The following DGCR2 variants were observed in gnomAD, a reference collection of about 807,000 sequenced individuals.
DGCR2 encodes the protein DiGeorge syndrome critical region gene 2.
A neutral mutation model predicts 51.6 loss-of-function variants in DGCR2; 24 were observed. The observed-to-expected ratio is 0.47, with a 90% CI of 0.34 to 0.65. The LOEUF is 0.65. Ranked by LOEUF, DGCR2 falls within the 30% of genes least tolerant of loss-of-function variation. The probability of loss-of-function intolerance (pLI) is 0.01; values close to 1 mark genes in which losing one functional copy is unlikely to be tolerated. For synonymous variants in DGCR2, 340 were observed against 315.4 expected, an observed-to-expected ratio of 1.08 and a Z score of -0.82; for missense variants, 765 against 772.1, an observed-to-expected ratio of 0.99 and a Z score of 0.11.
chr22:19,049,855 C>G (rs1294059492), intron 6 of DGCR2, among the ~76,000 whole-genome samples: 4 of 147,886 alleles, frequency 2.7e-5, no homozygotes, highest in African/African-American at 5.0e-5. Flanking sequence ...AGATTGGGAT[C>G]AAATCTAGGT....
chr22:19,116,699 C>T (rs2083376753), intron 1 of DGCR2, among the ~76,000 whole-genome samples: 1 of 152,186 alleles, frequency 6.6e-6, no homozygotes, highest in African/African-American at 2.4e-5. Context: ...AATGTTGTCA[C>T]TGATGCATTC....
intron 1 of DGCR2, among the ~76,000 whole-genome samples, chr22:19,103,168 A>G (rs1442506505): frequency 6.6e-6 from 1 of 152,134 alleles, no homozygotes; most frequent in Non-Finnish European, 1.5e-5. Context: ...GTATGATTCC[A>G]TTAGTATGAA....
intron 1 of DGCR2, among the ~76,000 whole-genome samples, chr22:19,097,107 C>T (rs924014648): frequency 3.3e-5 from 5 of 152,068 alleles, no homozygotes; most frequent in African/African-American, 9.7e-5. Context: ...CAAAAGCAAA[C>T]GTCAGCCAAG....
At position 19,038,704 on chromosome 22, in the gene DGCR2, A is replaced by G; in HGVS notation, c.*161T>C. On this transcript the variant is annotated 3_prime_UTR_variant, in exon 10 of 10. Transcript: ENST00000263196. ...TGCAGGCCATCACTTCTTTTGGCAG[A>G]AGGCGGGCTGTGGTCTCTATGTACA... The G allele has an allele frequency of 1.1e-6, 1 of 928,778 alleles. No individual in the cohort carries two copies. Among genetic ancestry groups the G allele is most frequent in the Non-Finnish European group, 1.6e-6 (1 of 622,302 alleles). The allele number at this position is 928,778 out of a possible 1,614,324, so 57.5% of individuals were successfully genotyped here. A position where few individuals can be genotyped will look rare whatever the true frequency, so the allele number is the denominator to read the frequency against.
At position 19,038,798 on chromosome 22, in the gene DGCR2, C is replaced by A; in HGVS notation, c.*67G>T. The stretch of plus-strand genomic sequence containing the variant: ...GCTGGGACAGGGGCCTTTCAAGTCT[C>A]CCCAGGGACCGGTGTTTTCTACAAC... On this transcript the variant is annotated 3_prime_UTR_variant, in exon 10 of 10. Coordinates refer to ENST00000263196, the MANE Select transcript of DGCR2 (RefSeq NM_005137.3). 1 of 1,570,546 alleles carries A rather than the reference C, an allele frequency of 6.4e-7. No individual in the cohort carries two copies. The highest frequency in any genetic ancestry group is 8.7e-7 in the Non-Finnish European group (1 of 1,154,714).
At chr22:19,044,127 C>T (rs1028544400) in intron 7 of DGCR2, among the ~76,000 whole-genome samples, 1 of 152,192 alleles carries the variant, frequency 6.6e-6, no homozygotes. Flanking sequence ...CCCAAGGACA[C>T]GGTCAAGGTC....
At chr22:19,051,026 T>C (rs1330978546) in intron 6 of DGCR2, among the ~76,000 whole-genome samples, 1 of 151,672 alleles carries the variant, frequency 6.6e-6, no homozygotes, top group Non-Finnish European at 1.5e-5. Flanking sequence ...CTGTCTCTAC[T>C]AAAAATAGAA....
Position 19,041,144 on chromosome 22 carries a change from T to C in DGCR2, c.1310A>G (p.Lys437Arg). The change falls in exon 9 of 10, where the codon AAG (lysine) becomes AGG (arginine). Residue 437 changes from lysine (K) to arginine (R), a missense_variant. Coordinates refer to ENST00000263196, the MANE Select transcript of DGCR2 (RefSeq NM_005137.3). ...GTCGGGCTGGCCGATGTCCGGGTAC[T>C]TGTATGCCGTGTAGGGAGGTGGAGG... The part of the protein sequence containing the change: ...HDPPPPYTAY[K>R]YPDIGQPDDP... 6.2e-7 allele frequency: 1 copy of C among 1,613,982 alleles called. No homozygotes were observed. The highest frequency in any genetic ancestry group is 8.5e-7 in the Non-Finnish European group (1 of 1,179,952).
At chr22:19,100,744 G>A (rs997632796) in intron 1 of DGCR2, among the ~76,000 whole-genome samples, 2 of 151,078 alleles carry the variant, frequency 1.3e-5, no homozygotes, top group African/African-American at 4.9e-5. Flanking sequence ...TAAAATTATT[G>A]AAGACCCCAA....
intron 1 of DGCR2, among the ~76,000 whole-genome samples, chr22:19,102,140 A>G (rs1456224460): frequency 2.0e-5 from 3 of 152,238 alleles, no homozygotes; most frequent in Non-Finnish European, 4.4e-5. Flanking sequence ...AACCTGGACA[A>G]CATTATGCTA....
At chr22:19,044,239 C>T (rs561610084) in intron 7 of DGCR2, among the ~76,000 whole-genome samples, 1 of 152,250 alleles carries the variant, frequency 6.6e-6, no homozygotes, top group African/African-American at 2.4e-5. Flanking sequence ...AAGCCAGAGG[C>T]CAGCCCAGGG....
At chr22:19,087,025 C>A (rs1289129771) in intron 2 of DGCR2, among the ~76,000 whole-genome samples, 6 of 152,204 alleles carry the variant, frequency 3.9e-5, no homozygotes, top group African/African-American at 9.7e-5. Context: ...CATTTGAAAG[C>A]AAACCAAGAA....
intron 2 of DGCR2, among the ~76,000 whole-genome samples, chr22:19,070,052 G>A (rs564670687): frequency 1.3e-5 from 2 of 152,112 alleles, no homozygotes; most frequent in South Asian, 2.1e-4. Flanking sequence ...CTGGCACCAC[G>A]ACAGGCCTGA....
At chr22:19,062,630 C>G (rs1343080752) in intron 5 of DGCR2, among the ~76,000 whole-genome samples, 1 of 152,014 alleles carries the variant, frequency 6.6e-6, no homozygotes, top group Non-Finnish European at 1.5e-5. Context: ...GAGGAGCTCG[C>G]CAGTGCCAGG....
intron 9 of DGCR2, 144 bp downstream of exon 9, chr22:19,040,913 AG>A (rs1173076204): frequency 3.4e-5 from 25 of 740,190 alleles, no homozygotes; most frequent in Admixed American, 3.0e-4. Flanking sequence ...GGGCAGCCCC[AG>A]GAGAAGCCTT....
chr22:19,092,879 C>T (rs1013016503), intron 1 of DGCR2, among the ~76,000 whole-genome samples: 1 of 138,512 alleles, frequency 7.2e-6, no homozygotes, highest in African/African-American at 2.8e-5. Context: ...CTGCGAAACA[C>T]GGAAGAAAGA....
At chr22:19,094,960 TG>T (rs1302660561) in intron 1 of DGCR2, among the ~76,000 whole-genome samples, 1 of 151,768 alleles carries the variant, frequency 6.6e-6, no homozygotes, top group Non-Finnish European at 1.5e-5. Context: ...CAGAAAGGGA[TG>T]GGGGTGGGAG....
rs188067126 is a variant in DGCR2, at chr22:19,040,833, G to A, written c.1396+225C>T. On this transcript the variant is annotated intron_variant, in intron 9 of 9. Transcript: ENST00000263196. ...AGGGAGGTAGGAGGGAGGGGTCCCA[G>A]GCCTTCTCAGAGCTCTCTGCACAGA... Among the ~76,000 whole-genome samples, 129 of 152,320 alleles carry A rather than the reference G, an allele frequency of 8.5e-4. 1 individual carries two copies. The highest frequency in any genetic ancestry group is 2.4e-3 in the Admixed American group (37 of 15,312).
At position 19,043,702 on chromosome 22, in the gene DGCR2, A is replaced by AC. The variant is rs5844369; in HGVS notation, c.1007-1744dup. 2.6e-5 allele frequency among the ~76,000 whole-genome samples: 4 copies of AC among 151,596 alleles called. No individual in the cohort carries two copies. In the East Asian group the frequency reaches 7.8e-4, roughly 30 times the overall value. ...CTCTGCAACAATCTCGGCAGGCAGG[A>AC]CCCCTACTGCCTGCCCCAAGGAGAC... On this transcript the variant is annotated intron_variant, in intron 7 of 9. Transcript: ENST00000263196.
Sources: gnomAD v4.1 joint callset for allele counts (sites outside exome capture counted in the v4.1 genomes callset) on GRCh38, gnomAD v4.1.1 for gene constraint, MANE v1.5 for transcripts, NCBI Gene and HGNC (gene_info 2026-07-23, HGNC 2026-07-21) for gene names.